SSBP3: variants seen among roughly 807,000 people sequenced by gnomAD.
The protein encoded by SSBP3 is single-stranded DNA-binding protein 3.
A neutral mutation model predicts 69.6 loss-of-function variants in SSBP3; 5 were observed. The observed-to-expected ratio is 0.07, with a 90% CI of 0.04 to 0.15. SSBP3 has a LOEUF of 0.15. SSBP3 is among the 10% of genes least tolerant of loss of function. The pLI is 1.00. For synonymous variants in SSBP3, 196 were observed against 193.4 expected (o/e 1.01, Z -0.11); for missense variants, 312 against 534.0 (o/e 0.58, Z 4.10).
chr1:54,276,306 T>C (rs566722095), intron 5 of SSBP3, among the ~76,000 whole-genome samples: 52 of 152,062 alleles, frequency 3.4e-4, no homozygotes, highest in Admixed American at 3.9e-4. Context: ...GCAGCATCCA[T>C]CATCAAGATG....
At chr1:54,235,273 GT>G (rs200538399) in intron 14 of SSBP3, among the ~76,000 whole-genome samples, 3,266 of 111,234 alleles carry the variant, frequency 0.029, 16 homozygotes, top group Admixed American at 0.047. Context: ...AAGATGTCCA[GT>G]TTTTTTTTTT....
At chr1:54,404,465 C>G in intron 3 of SSBP3, 111 bp downstream of exon 3, 1 of 1,350,412 alleles carries the variant, frequency 7.4e-7, no homozygotes, top group South Asian at 1.2e-5. Context: ...CTCTGTGCAA[C>G]GCAGAGGGCC....
rs753988161 is a variant in SSBP3 at position 54,258,127 on chromosome 1, G to A, written c.389C>T (p.Ser130Leu). Residue 130 changes from serine to leucine, a missense_variant, in exon 6 of 18, where the codon TCG becomes TTG. Around this residue, in one of 4 missense-constraint regions of SSBP3, gnomAD observed 134 missense variants for 212.1 expected, o/e 0.63. Transcript: ENST00000610401. The surrounding 1 kb of genome is among the most constrained non-coding windows in gnomAD (Gnocchi z 4.5). ...GTGAGGTGGAGGCTGTGCGTGCGGC[G>A]AGGGCTGTGACCCCGGAGGACCCTG... 6 of 1,596,682 alleles carry A rather than the reference G, an allele frequency of 3.8e-6. No homozygotes were observed. Among genetic ancestry groups the A allele is most frequent in the South Asian group, 1.1e-5 (1 of 87,312 alleles).
chr1:54,255,747 A>C (rs1165393820), intron 7 of SSBP3: 1 of 152,138 alleles, frequency 6.6e-6, no homozygotes, highest in Non-Finnish European at 1.5e-5. Context: ...CAAAATAAAA[A>C]GGTGGGAACC....
intron 4 of SSBP3, among the ~76,000 whole-genome samples, chr1:54,305,557 T>C (rs1164676898): frequency 6.6e-6 from 1 of 151,268 alleles, no homozygotes; most frequent in Non-Finnish European, 1.5e-5. Flanking sequence ...GACTGGGCAA[T>C]TGGGAGCTAT....
At chr1:54,243,997 A>T (rs889540786) in intron 9 of SSBP3, among the ~76,000 whole-genome samples, 1 of 152,208 alleles carries the variant, frequency 6.6e-6, no homozygotes, top group Non-Finnish European at 1.5e-5. Flanking sequence ...TAGTGCAATC[A>T]TAACTCACTG....
chr1:54,258,496 G>A lies in SSBP3; in HGVS notation c.367-347C>T, dbSNP rs1163094092. 6.6e-6 allele frequency among the ~76,000 whole-genome samples: 1 copy of A among 152,236 alleles called. No homozygotes were observed. Among genetic ancestry groups the A allele is most frequent in the East Asian group, 1.9e-4 (1 of 5,198 alleles). The stretch of plus-strand genomic sequence containing the variant: ...TACGTTGGTTGAGACGGGCTCAGAG[G>A]GAGTACAATGATGCACAGACACAGG... On this transcript the variant is annotated intron_variant, in intron 5 of 17. Transcript: ENST00000610401. This position sits in a 1 kb window ranked among gnomAD's most constrained non-coding sequence, Gnocchi z 4.5.
chr1:54,234,502 T>A (rs986362796), intron 14 of SSBP3, among the ~76,000 whole-genome samples: 2 of 152,162 alleles, frequency 1.3e-5, no homozygotes, highest in Non-Finnish European at 2.9e-5. Context: ...GTGGGAGGAA[T>A]CCCTTCAGCC....
At chr1:54,291,378 G>C (rs1041474501) in intron 4 of SSBP3, among the ~76,000 whole-genome samples, 36 of 152,096 alleles carry the variant, frequency 2.4e-4, no homozygotes, top group Non-Finnish European at 1.2e-4. Flanking sequence ...ACCCAACACT[G>C]CCTCTTCTGT....
chr1:54,289,616 T>G (rs180845848), intron 4 of SSBP3, among the ~76,000 whole-genome samples: 87 of 152,108 alleles, frequency 5.7e-4, no homozygotes, highest in African/African-American at 2.0e-3. Context: ...ATTAGGGGGA[T>G]CAGGGAGGCT....
chr1:54,247,078 G>T (rs1644746953), intron 9 of SSBP3, among the ~76,000 whole-genome samples: 1 of 152,202 alleles, frequency 6.6e-6, no homozygotes. Context: ...ACATTCACAG[G>T]GGCCACTGTC....
intron 4 of SSBP3, among the ~76,000 whole-genome samples, chr1:54,383,750 G>C (rs1301791559): frequency 6.6e-6 from 1 of 152,158 alleles, no homozygotes; most frequent in Non-Finnish European, 1.5e-5. Flanking sequence ...CACAGGCTGA[G>C]TGATGGAGTT....
At chr1:54,294,150 AAAAAAAAAAAAAGAAAGAAAGAAAG>A (rs1383670639) in intron 4 of SSBP3, among the ~76,000 whole-genome samples, 6 of 95,232 alleles carry the variant, frequency 6.3e-5, no homozygotes, top group Non-Finnish European at 6.9e-5. Context: ...CTCAAAAAAA[AAAAAAAAAAAAAGAAAGAAAGAAAG>A]AAAGAAAGAA....
At chr1:54,291,086 G>A (rs1394897938) in intron 4 of SSBP3, among the ~76,000 whole-genome samples, 2 of 152,188 alleles carry the variant, frequency 1.3e-5, no homozygotes, top group African/African-American at 4.8e-5. Context: ...CACACGCTCA[G>A]TTCCAATGAC....
chr1:54,318,882 C>A (rs1035251688), intron 4 of SSBP3, among the ~76,000 whole-genome samples: 5 of 152,202 alleles, frequency 3.3e-5, no homozygotes, highest in Admixed American at 2.6e-4. Flanking sequence ...GGGAAGGGGT[C>A]GTCCTTTCCC....
rs1187287564 is a variant in SSBP3, at chr1:54,258,589, C to A, written c.367-440G>T. Among the ~76,000 whole-genome samples the A allele has an allele frequency of 1.3e-5, 2 of 152,148 alleles. No individual in the cohort carries two copies. The highest frequency in any genetic ancestry group is 2.9e-5 in the Non-Finnish European group (2 of 68,026). On this transcript the variant is annotated intron_variant, in intron 5 of 17. Transcript: ENST00000610401. This position sits in a 1 kb window ranked among gnomAD's most constrained non-coding sequence, Gnocchi z 4.5. ...GGGGAAAGATCGGGAAGGGCCCTGC[C>A]CTCAAGGAGCTCACAGTCTGGGGGA...
At chr1:54,323,926 C>A (rs1205185862) in intron 4 of SSBP3, among the ~76,000 whole-genome samples, 2 of 152,198 alleles carry the variant, frequency 1.3e-5, no homozygotes, top group African/African-American at 4.8e-5. Flanking sequence ...TGTGTCCCCC[C>A]AGAGAAGATT....
chr1:54,333,113 T>TG lies in SSBP3; in HGVS notation c.277-51587dup, dbSNP rs1417998741. Among the ~76,000 whole-genome samples, 3 of 152,056 alleles carry TG rather than the reference T, an allele frequency of 2.0e-5. No homozygotes were observed. In the East Asian group the frequency reaches 5.8e-4, roughly 29 times the overall value. ...CATCACCACTGAACACACCACTGCTTGGGGGTGGGGAATGTCCAGGAAAGC... is the reference window on the plus strand; with the variant it reads ...CATCACCACTGAACACACCACTGCTTGGGGGGTGGGGAATGTCCAGGAAAGC... On this transcript the variant is annotated intron_variant, in intron 4 of 17. Coordinates refer to ENST00000610401, the Ensembl canonical transcript of SSBP3.
chr1:54,362,956 C>T (rs1289609163), intron 4 of SSBP3, among the ~76,000 whole-genome samples: 1 of 151,994 alleles, frequency 6.6e-6, no homozygotes, highest in Non-Finnish European at 1.5e-5. Flanking sequence ...AACTGTCTCA[C>T]GGGGGGCGGG....
Sources: allele counts gnomAD v4.1 joint callset (sites outside exome capture counted in the v4.1 genomes callset), GRCh38; gene constraint gnomAD v4.1.1; regional missense constraint gnomAD v4.1.1; non-coding constraint Gnocchi (gnomAD v3.1); transcripts MANE v1.5; gene names NCBI Gene and HGNC (gene_info 2026-07-23, HGNC 2026-07-21).